NPHP4: variants seen among roughly 807,000 people sequenced by gnomAD.
NPHP4 encodes the protein nephrocystin-4.
A neutral mutation model predicts 155.8 loss-of-function variants in NPHP4; 151 were observed. The ratio of observed to expected loss-of-function variants is 0.97; its 90% confidence interval spans 0.85 to 1.11. The LOEUF (loss-of-function observed/expected upper bound fraction) is 1.11, where lower values mean the gene tolerates loss of function less well. NPHP4 is among the 50% of genes least tolerant of loss of function. NPHP4 has a pLI of 0.00. For missense variants in NPHP4, 1,956 were observed against 1,925.7 expected, an observed-to-expected ratio of 1.02 and a Z score of -0.29; for synonymous variants, 845 against 816.8, an observed-to-expected ratio of 1.03 and a Z score of -0.59.
intron 10 of NPHP4, among the ~76,000 whole-genome samples, chr1:5,930,981 G>A (rs930328554): frequency 6.6e-6 from 1 of 152,138 alleles, no homozygotes; most frequent in Non-Finnish European, 1.5e-5. Context: ...GGATTGTTAT[G>A]TCTTGGCAAC....
rs137852922 is a variant in NPHP4, at chr1:5,887,436, G to A, written c.2335C>T (p.Gln779Ter). The change falls in exon 18 of 30, where the codon CAG becomes TAG. Residue 779 changes from glutamine to a stop codon, truncating the protein, a stop_gained. Coordinates refer to ENST00000378156, the MANE Select transcript of NPHP4 (RefSeq NM_015102.5). LOFTEE classifies it high-confidence loss of function. ...HLLRQGRPAV[Q>*]ASHELEVVAT... ...ACGACCTCAAGCTCGTGGGAGGCCT[G>A]CACAGCCGGCCGGCCTTGGCGGAGG... 3.7e-6 allele frequency: 6 copies of A among 1,613,306 alleles called. No individual in the cohort carries two copies. Among genetic ancestry groups the A allele is most frequent in the Non-Finnish European group, 5.1e-6 (6 of 1,179,880 alleles).
At chr1:5,945,550 C>T (rs751146129) in intron 9 of NPHP4, among the ~76,000 whole-genome samples, 5 of 152,146 alleles carry the variant, frequency 3.3e-5, no homozygotes, top group South Asian at 2.1e-4. Flanking sequence ...GTCAACTCGC[C>T]GCTACCAGAA....
At chr1:5,923,970 A>T (rs999328700) in intron 11 of NPHP4, among the ~76,000 whole-genome samples, 9 of 152,244 alleles carry the variant, frequency 5.9e-5, no homozygotes, top group Admixed American at 5.9e-4. Context: ...ATATTAAAGT[A>T]GTTATAACTG....
chr1:5,955,688 AAAG>A (rs560049206), intron 6 of NPHP4, among the ~76,000 whole-genome samples: 138 of 152,370 alleles, frequency 9.1e-4, no homozygotes, highest in Middle Eastern at 3.4e-3. Flanking sequence ...GGGATCTCAA[AAAG>A]AAGAGTTGGT....
intron 3 of NPHP4, among the ~76,000 whole-genome samples, chr1:5,975,936 G>A (rs1431913473): frequency 6.6e-6 from 1 of 152,210 alleles, no homozygotes; most frequent in East Asian, 1.9e-4. Flanking sequence ...CTTCTGGCCT[G>A]CGCAGCACGG....
In NPHP4 at chr1:5,892,377, C is replaced by A. The variant is rs1158156808; in HGVS notation, c.2144-1349G>T. ...TGCCCCCCACTCCAGGAGCTCTCAG[C>A]ATGCTGTCAGCTCTGGGATCAGTGT... is the stretch of plus-strand genomic sequence containing the variant. On this transcript the variant is annotated intron_variant, in intron 16 of 29. Coordinates refer to ENST00000378156, the MANE Select transcript of NPHP4 (RefSeq NM_015102.5). The surrounding 1 kb of genome is among the most constrained non-coding windows in gnomAD (Gnocchi z 4.5). 6.6e-6 allele frequency among the ~76,000 whole-genome samples: 1 copy of A among 152,142 alleles called. No homozygotes were observed. The highest frequency in any genetic ancestry group is 1.5e-5 in the Non-Finnish European group (1 of 68,012).
chr1:5,946,896 T>G (rs1647129116), intron 9 of NPHP4, among the ~76,000 whole-genome samples: 1 of 152,256 alleles, frequency 6.6e-6, no homozygotes, highest in Non-Finnish European at 1.5e-5. Flanking sequence ...TCCAAGTCCT[T>G]CCCACATTCT....
chr1:5,893,397 T>C lies in NPHP4; in HGVS notation c.2144-2369A>G, dbSNP rs371926494. Among the ~76,000 whole-genome samples the C allele has an allele frequency of 7.1e-3, 1,088 of 152,208 alleles. 8 individuals carry two copies. Among genetic ancestry groups the C allele is most frequent in the African/African-American group, 0.023 (957 of 41,492 alleles). On this transcript the variant is annotated intron_variant, in intron 16 of 29. Transcript: ENST00000378156. Reference sequence around the variant, plus strand: ...TGTGTGAGTCATCTCCAATGATAGGTAAGGTCACGCGGGTCACGTGTCCAC... The same window carrying C: ...TGTGTGAGTCATCTCCAATGATAGGCAAGGTCACGCGGGTCACGTGTCCAC...
intron 10 of NPHP4, among the ~76,000 whole-genome samples, chr1:5,928,432 G>A (rs996921281): frequency 2.0e-5 from 3 of 152,154 alleles, no homozygotes; most frequent in East Asian, 1.9e-4. Flanking sequence ...TCTATTGTAC[G>A]GATGTACCAG....
chr1:5,900,717 A>C (rs1476536150), intron 16 of NPHP4, among the ~76,000 whole-genome samples: 1 of 152,134 alleles, frequency 6.6e-6, no homozygotes, highest in Non-Finnish European at 1.5e-5. Context: ...TAATTTTTTA[A>C]TACTGGTTCA....
intron 16 of NPHP4, among the ~76,000 whole-genome samples, chr1:5,896,501 T>C (rs544439804): frequency 6.6e-6 from 1 of 152,304 alleles, no homozygotes; most frequent in South Asian, 2.1e-4. Flanking sequence ...AGCAGTGTCA[T>C]TGTGAAAATG....
chr1:5,866,603 T>G (rs2100441142), intron 25 of NPHP4, 145 bp from the exon 26 acceptor site: 1 of 627,576 alleles, frequency 1.6e-6, no homozygotes, highest in East Asian at 2.7e-5. Flanking sequence ...CAATCGGAAT[T>G]CACTATTCTG....
chr1:5,986,035 C>A, intron 2 of NPHP4, 120 bp downstream of exon 2: 1 of 1,137,870 alleles, frequency 8.8e-7, no homozygotes, highest in South Asian at 1.3e-5. Flanking sequence ...TGGGTACCAC[C>A]ATAAAGTAGC....
intron 1 of NPHP4, among the ~76,000 whole-genome samples, chr1:5,987,637 A>C (rs1478775704): frequency 6.6e-6 from 1 of 152,186 alleles, no homozygotes; most frequent in Non-Finnish European, 1.5e-5. Context: ...TTGACCTTTG[A>C]GTACACACGT....
At chr1:5,948,031 C>A in intron 8 of NPHP4, 39 bp downstream of exon 8, 1 of 1,519,142 alleles carries the variant, frequency 6.6e-7, no homozygotes, top group South Asian at 1.1e-5. Flanking sequence ...TGATCCCTTG[C>A]ACATCCCCAC....
chr1:5,868,317 G>A (rs951432867), intron 23 of NPHP4: 13 of 323,652 alleles, frequency 4.0e-5, no homozygotes, highest in African/African-American at 1.9e-4. Flanking sequence ...TCGCGGTCAA[G>A]CACGTCAGCA....
chr1:5,948,280 C>CGGG (rs1647232453), intron 7 of NPHP4, 29 bp from the exon 8 acceptor site: 2 of 1,500,008 alleles, frequency 1.3e-6, no homozygotes, highest in East Asian at 2.5e-5. Context: ...GAATGAGCCC[C>CGGG]GGCACAGACG....
intron 6 of NPHP4, among the ~76,000 whole-genome samples, chr1:5,960,122 C>T (rs563766410): frequency 1.3e-5 from 2 of 152,306 alleles, no homozygotes; most frequent in Admixed American, 6.5e-5. Flanking sequence ...TGAGGCCTTC[C>T]CTCTGTCTCC....
intron 18 of NPHP4, among the ~76,000 whole-genome samples, chr1:5,886,129 C>T (rs939462059): frequency 1.3e-5 from 2 of 152,212 alleles, no homozygotes; most frequent in African/African-American, 2.4e-5. Flanking sequence ...ACAACCAACT[C>T]GGTCTCAGAG....
Sources: allele counts gnomAD v4.1 joint callset (sites outside exome capture counted in the v4.1 genomes callset), GRCh38; gene constraint gnomAD v4.1.1; non-coding constraint Gnocchi (gnomAD v3.1); transcripts MANE v1.5; gene names NCBI Gene and HGNC (gene_info 2026-07-23, HGNC 2026-07-21).